Variants in RPGR observed in about 807,000 individuals in gnomAD.
The protein encoded by RPGR is retinitis pigmentosa GTPase regulator.
A neutral mutation model predicts 56.3 loss-of-function variants in RPGR; 10 were observed. The ratio of observed to expected loss-of-function variants is 0.18; its 90% CI spans 0.11 to 0.30. The LOEUF (loss-of-function observed/expected upper bound fraction) is 0.30, where lower values mean the gene tolerates loss of function less well. Among genes scored for constraint, RPGR ranks in the 10% least tolerant of loss-of-function variants. The pLI is 1.00. For missense variants in RPGR, 538 were observed against 590.9 expected (o/e 0.91, Z 0.93); for synonymous variants, 197 against 212.9 (o/e 0.93, Z 0.65).
intron 4 of RPGR, among the ~76,000 whole-genome samples, chrX:38,320,700 A>G (rs2067922892): frequency 8.9e-6 from 1 of 112,337 alleles, no homozygotes; most frequent in African/African-American, 3.2e-5. Flanking sequence ...GCTCACTCAC[A>G]TCAACAGCCT....
chrX:38,297,444 A>G lies in RPGR; in HGVS notation c.1254T>C (p.Ser418=), dbSNP rs1219995087. ...TTCTCCTCATTGAAAAAGAATCTGG[A>G]GACCTCTCCTTTAAAATAAGCAGGT... The change falls in exon 11 of 19, where the codon TCT becomes TCC. Residue 418 remains serine, a synonymous_variant. Transcript: ENST00000642395. The G allele has an allele frequency of 1.3e-5, 16 of 1,202,129 alleles. No individual in the cohort carries two copies. The highest frequency in any genetic ancestry group is 4.7e-4 in the Middle Eastern group (2 of 4,217).
intron 15 of RPGR, chrX:38,285,948 CTCT>C (rs770165952): frequency 2.7e-6 from 3 of 1,115,608 alleles, no homozygotes; most frequent in Middle Eastern, 2.7e-4. Flanking sequence ...CTTCCCCTTC[CTCT>C]TCTTCCTCCC....
chrX:38,273,252 T>A, intron 18 of RPGR: 1 of 475,799 alleles, frequency 2.1e-6, no homozygotes, highest in Non-Finnish European at 3.7e-6. Flanking sequence ...ATATGCGACA[T>A]CACCTGAAAT....
chrX:38,286,611 C>G (rs1324776026), intron 15 of RPGR: 5 of 1,124,044 alleles, frequency 4.4e-6, no homozygotes, highest in Non-Finnish European at 5.9e-6. Context: ...CCTCCTCTTC[C>G]CCCTCTCCTT....
intron 13 of RPGR, 137 bp from the exon 14 acceptor site, chrX:38,288,178 T>G: frequency 1.7e-6 from 1 of 572,582 alleles, no homozygotes; most frequent in Non-Finnish European, 2.8e-6. Context: ...TTACCAGATA[T>G]TTTGCTAAAG....
Position 38,275,102 on chromosome X carries a change from A to T in RPGR, c.2136T>A (p.Asn712Lys), listed in dbSNP as rs1373400767. Residue 712 changes from asparagine (N) to lysine (K), a missense_variant, in exon 17 of 19, where the codon AAT becomes AAA. Asn to Lys is a moderately conservative substitution (Grantham distance 94). Around this residue, in one of 2 missense-constraint regions of RPGR, gnomAD observed 357 missense variants for 325.8 expected, o/e 1.10. Coordinates refer to ENST00000642395, the MANE Select transcript of RPGR (RefSeq NM_000328.3). ...ATGTGCTCATACCTTTTGGGTTTTC[A>T]TTGTACTCACAAATGGCCCGTTCCT... 1 of 1,208,092 alleles carries T rather than the reference A, an allele frequency of 8.3e-7. No homozygotes were observed. The highest frequency in any genetic ancestry group is 1.1e-6 in the Non-Finnish European group (1 of 893,784).
chrX:38,298,561 T>C (rs1422817033), intron 10 of RPGR: 2 of 230,169 alleles, frequency 8.7e-6, no homozygotes, highest in African/African-American at 5.9e-5. Context: ...TAAAAATCTG[T>C]TAAGGGGGTA....
intron 7 of RPGR, among the ~76,000 whole-genome samples, chrX:38,307,602 A>G (rs1473106657): frequency 8.9e-6 from 1 of 111,821 alleles, no homozygotes; most frequent in East Asian, 2.8e-4. Context: ...AAAATATTCC[A>G]TAACTCTCTT....
chrX:38,308,904 A>C (rs979174807), intron 7 of RPGR, among the ~76,000 whole-genome samples: 3 of 111,697 alleles, frequency 2.7e-5, no homozygotes, highest in African/African-American at 9.7e-5. Context: ...AAACATAAAG[A>C]TAAAATATTA....
intron 17 of RPGR, chrX:38,273,685 T>C: frequency 3.0e-6 from 1 of 329,960 alleles, no homozygotes; most frequent in South Asian, 8.4e-5. Flanking sequence ...AAGTTGTAAA[T>C]GTTTAGATGA....
chrX:38,325,049 A>G (rs1476446268), intron 1 of RPGR, among the ~76,000 whole-genome samples: 1 of 106,173 alleles, frequency 9.4e-6, no homozygotes, highest in Non-Finnish European at 1.9e-5. Flanking sequence ...GGGCGCCTGT[A>G]ATCCCAGCTA....
At chrX:38,326,659 C>T (rs1198798068) in intron 1 of RPGR, 2 of 111,616 alleles carry the variant, frequency 1.8e-5, no homozygotes, top group African/African-American at 6.5e-5. Context: ...CCTTTTACCC[C>T]ACAGCCCTGA....
intron 15 of RPGR, chrX:38,279,203 A>C (rs1432133911): frequency 6.1e-6 from 2 of 329,561 alleles, no homozygotes; most frequent in African/African-American, 5.3e-5. Context: ...GACTGGCAGA[A>C]TACTGTCATT....
Position 38,284,284 on chromosome X carries a change from C to T in RPGR, c.1905+2810G>A, listed in dbSNP as rs138308497. 763 of 151,072 alleles carry T rather than the reference C, an allele frequency of 5.1e-3. 10 individuals carry two copies. The highest frequency in any genetic ancestry group is 0.022 in the African/African-American group (704 of 31,596). The allele number at this position is 151,072 out of a possible 1,213,427, so 12.5% of individuals were successfully genotyped here. On this transcript the variant is annotated intron_variant, in intron 15 of 18. Transcript: ENST00000642395. ...ACAAATAAACTATCAGATAAATTAGCTGCATTATGTACACGGAAAATTTTA... is the reference window on the plus strand; with the variant it reads ...ACAAATAAACTATCAGATAAATTAGTTGCATTATGTACACGGAAAATTTTA...
At chrX:38,295,071 G>A (rs1268882558) in intron 11 of RPGR, among the ~76,000 whole-genome samples, 1 of 111,928 alleles carries the variant, frequency 8.9e-6, no homozygotes, top group African/African-American at 3.2e-5. Flanking sequence ...TTCATATCAC[G>A]TAGGTCTCTC....
chrX:38,284,730 A>G (rs1340646316), intron 15 of RPGR: 1 of 713,312 alleles, frequency 1.4e-6, no homozygotes, highest in East Asian at 1.5e-4. Context: ...GTGAGAATGA[A>G]AAGAATTTAA....
At chrX:38,273,729 C>A in intron 17 of RPGR, 1 of 260,804 alleles carries the variant, frequency 3.8e-6, no homozygotes, top group Non-Finnish European at 6.8e-6. Context: ...AGGTAATAGT[C>A]AATGTTAGAG....
chrX:38,327,229 C>G (rs987160121), intron 1 of RPGR, 111 bp downstream of exon 1: 11 of 792,481 alleles, frequency 1.4e-5, no homozygotes, highest in Non-Finnish European at 1.9e-5. Context: ...CGCCCCAGTC[C>G]GGCTGCCAAG....
chrX:38,287,147 C>T lies in RPGR; in HGVS notation c.1852G>A (p.Gly618Arg). The change falls in exon 15 of 19, where the codon GGA becomes AGA. Residue 618 changes from glycine to arginine, a missense_variant. By Grantham distance (125) the Gly-to-Arg change is moderately radical. Transcript: ENST00000642395. ...AGGATCTCTGTTTTCTCCTTTCTTC[C>T]TCCATGCACCTTCACATTTTCCTCA... The T allele has an allele frequency of 1.7e-6, 2 of 1,210,841 alleles. No homozygotes were observed. Among genetic ancestry groups the T allele is most frequent in the Non-Finnish European group, 2.2e-6 (2 of 895,372 alleles).
Sources: gnomAD v4.1 joint callset for allele counts (sites outside exome capture counted in the v4.1 genomes callset) on GRCh38, gnomAD v4.1.1 for gene constraint, gnomAD v4.1.1 regional missense constraint, MANE v1.5 for transcripts, NCBI Gene and HGNC (gene_info 2026-07-23, HGNC 2026-07-21) for gene names.